STK32A: variants seen among roughly 807,000 people sequenced by gnomAD.
STK32A encodes the protein serine/threonine kinase 32A.
In STK32A, 41 loss-of-function variants were observed where a neutral mutation model predicts 53.2. The observed-to-expected ratio is 0.77, with a 90% CI of 0.60 to 1.00. The LOEUF (loss-of-function observed/expected upper bound fraction) is 1.00, where lower values mean the gene tolerates loss of function less well. STK32A is among the 50% of genes least tolerant of loss of function. The probability of loss-of-function intolerance (pLI) is 0.00; values close to 1 mark genes in which losing one functional copy is unlikely to be tolerated. For synonymous variants in STK32A, 166 were observed against 162.8 expected, an observed-to-expected ratio of 1.02 and a Z score of -0.15; for missense variants, 458 against 485.8, an observed-to-expected ratio of 0.94 and a Z score of 0.54.
chr5:147,333,414 C>A (rs1754969742), intron 5 of STK32A, among the ~76,000 whole-genome samples: 1 of 152,120 alleles, frequency 6.6e-6, no homozygotes, highest in Admixed American at 6.6e-5. Context: ...ACACAGTTTT[C>A]CACTGTGATA....
At position 147,385,800 on chromosome 5, in the gene STK32A, T is replaced by A. The variant is rs1362162042; in HGVS notation, c.*1817T>A. On this transcript the variant is annotated 3_prime_UTR_variant, in exon 13 of 13. Transcript: ENST00000397936. ...GTTTTCACCTCTTGGCTACTCAGAG[T>A]ACCTAAACCTGTCCTTACTTATGGA... 1 of 152,070 alleles carries A rather than the reference T, an allele frequency of 6.6e-6. No homozygotes were observed. The highest frequency in any genetic ancestry group is 2.4e-5 in the African/African-American group (1 of 41,400). 9.4% of individuals were successfully genotyped at this position (152,070 alleles called of 1,614,324 possible).
At position 147,384,009 on chromosome 5, in the gene STK32A, A is replaced by G. The variant is rs758493510; in HGVS notation, c.*26A>G. On this transcript the variant is annotated 3_prime_UTR_variant, in exon 13 of 13. Coordinates refer to ENST00000397936, the MANE Select transcript of STK32A (RefSeq NM_001112724.2). ...AGGCCTCATGTCTTCTTCTTGGGACAATCTCATGCCAGAAACTTCTAATTA... is the reference window on the plus strand; with the variant it reads ...AGGCCTCATGTCTTCTTCTTGGGACGATCTCATGCCAGAAACTTCTAATTA... The G allele has an allele frequency of 6.3e-7, 1 of 1,589,554 alleles. No individual in the cohort carries two copies. Among genetic ancestry groups the G allele is most frequent in the South Asian group, 1.2e-5 (1 of 84,968 alleles).
At chr5:147,266,689 T>C (rs1465803505) in intron 2 of STK32A, among the ~76,000 whole-genome samples, 1 of 152,158 alleles carries the variant, frequency 6.6e-6, no homozygotes, top group Non-Finnish European at 1.5e-5. Context: ...CTGTTGGTCC[T>C]GTGTGAAGTC....
intron 4 of STK32A, among the ~76,000 whole-genome samples, chr5:147,282,602 T>C (rs1264462161): frequency 6.6e-6 from 1 of 152,062 alleles, no homozygotes; most frequent in Non-Finnish European, 1.5e-5. Flanking sequence ...GGGAAAGGAA[T>C]TTCATGCAAA....
chr5:147,375,186 G>A lies in STK32A; in HGVS notation c.1000G>A (p.Glu334Lys). 2 of 1,611,142 alleles carry A rather than the reference G, an allele frequency of 1.2e-6. No homozygotes were observed. Among genetic ancestry groups the A allele is most frequent in the Non-Finnish European group, 1.7e-6 (2 of 1,178,670 alleles). ...GAAAAAAAAGCGTCTGGCAAAGAAG[G>A]AGAAGGATATGAGGAAATGCGATTC... ...HKKKKRLAKK[E>K]KDMRKCDSSQ... Residue 334 changes from glutamate (E) to lysine (K), a missense_variant, in exon 11 of 13, where the codon GAG becomes AAG. Transcript: ENST00000397936.
intron 11 of STK32A, 74 bp downstream of exon 11, chr5:147,375,292 T>C: frequency 1.3e-6 from 2 of 1,530,060 alleles, no homozygotes; most frequent in South Asian, 1.3e-5. Flanking sequence ...GAGCTTCTAC[T>C]GGGAGGTCAT....
intron 11 of STK32A, among the ~76,000 whole-genome samples, chr5:147,380,160 A>G (rs568630329): frequency 6.6e-6 from 1 of 152,292 alleles, no homozygotes; most frequent in Non-Finnish European, 1.5e-5. Context: ...CTCAATTATA[A>G]CCTTGATTTT....
chr5:147,311,694 G>A (rs1432489581), intron 4 of STK32A, among the ~76,000 whole-genome samples: 7 of 152,098 alleles, frequency 4.6e-5, no homozygotes, highest in Non-Finnish European at 4.4e-5. Flanking sequence ...AACCTCCTAA[G>A]TAGCTGGGAC....
intron 2 of STK32A, among the ~76,000 whole-genome samples, chr5:147,276,615 T>C (rs78726389): frequency 0.03 from 4,538 of 152,248 alleles, 243 homozygotes; most frequent in African/African-American, 0.11. Context: ...TGCCTTCAAC[T>C]ACCTAAGCCA....
intron 11 of STK32A, among the ~76,000 whole-genome samples, chr5:147,379,861 C>T (rs1363182184): frequency 3.3e-5 from 5 of 152,152 alleles, no homozygotes. Context: ...GCGATCATTT[C>T]CCTTCTAAGT....
intron 5 of STK32A, among the ~76,000 whole-genome samples, chr5:147,340,845 G>A (rs1561732671): frequency 6.6e-6 from 1 of 151,974 alleles, no homozygotes; most frequent in Non-Finnish European, 1.5e-5. Context: ...TTTATCTTTA[G>A]GTTTTCTGTA....
At chr5:147,314,689 G>A (rs1324318403) in intron 4 of STK32A, among the ~76,000 whole-genome samples, 1 of 151,026 alleles carries the variant, frequency 6.6e-6, no homozygotes. Flanking sequence ...TTAGAGAAAT[G>A]CAAATCAAAA....
intron 6 of STK32A, among the ~76,000 whole-genome samples, chr5:147,349,834 G>A (rs537076207): frequency 7.2e-5 from 11 of 152,152 alleles, no homozygotes; most frequent in Non-Finnish European, 1.5e-4. Flanking sequence ...TTGACTGGCC[G>A]GGCGCAGTGG....
In STK32A at chr5:147,323,991, C is replaced by T; in HGVS notation, c.354C>T (p.Phe118=). Residue 118 remains phenylalanine, a synonymous_variant, in exon 5 of 13, where the codon TTC becomes TTT. Transcript: ENST00000397936. ...LRYHLQQNVH[F]KEETVKLFIC... is the part of the protein sequence containing the mutation. ...ATCACCTGCAACAGAACGTCCACTT[C>T]AAGGAAGAAACAGTGAAGCTCTTCA... 6.2e-7 allele frequency: 1 copy of T among 1,612,562 alleles called. No individual in the cohort carries two copies. Among genetic ancestry groups the T allele is most frequent in the Non-Finnish European group, 8.5e-7 (1 of 1,179,334 alleles).
chr5:147,295,046 A>G (rs532076746), intron 4 of STK32A, among the ~76,000 whole-genome samples: 1 of 152,360 alleles, frequency 6.6e-6, no homozygotes, highest in African/African-American at 2.4e-5. Context: ...GCTAATTTAC[A>G]GTGAAATCTG....
chr5:147,376,385 A>C (rs188133369), intron 11 of STK32A, among the ~76,000 whole-genome samples: 23 of 152,208 alleles, frequency 1.5e-4, no homozygotes, highest in African/African-American at 5.3e-4. Context: ...TCATGTCATA[A>C]CCAACCCGCT....
intron 4 of STK32A, among the ~76,000 whole-genome samples, chr5:147,305,496 G>C (rs1753361762): frequency 6.6e-6 from 1 of 152,070 alleles, no homozygotes; most frequent in Admixed American, 6.5e-5. Flanking sequence ...TTGGAGGCTG[G>C]GTTTCTCCGG....
chr5:147,281,156 T>A (rs1056356051), intron 4 of STK32A, among the ~76,000 whole-genome samples: 1 of 152,170 alleles, frequency 6.6e-6, no homozygotes, highest in African/African-American at 2.4e-5. Flanking sequence ...TGAAAGAGCC[T>A]ACCCAAGTGA....
chr5:147,239,741 A>G, intron 2 of STK32A, 55 bp downstream of exon 2: 1 of 1,317,746 alleles, frequency 7.6e-7, no homozygotes, highest in South Asian at 1.3e-5. Flanking sequence ...AAATTCAAGT[A>G]TATGCTTCTA....
Sources: allele counts gnomAD v4.1 joint callset (sites outside exome capture counted in the v4.1 genomes callset), GRCh38; gene constraint gnomAD v4.1.1; transcripts MANE v1.5; gene names NCBI Gene and HGNC (gene_info 2026-07-23, HGNC 2026-07-21).